Variants in IFRD1 observed in about 807,000 individuals in gnomAD.
IFRD1 encodes the protein interferon related developmental regulator 1, also known as interferon-related developmental regulator 1.
A neutral mutation model predicts 52.9 loss-of-function variants in IFRD1; 35 were observed. The observed-to-expected ratio is 0.66, with a 90% CI of 0.51 to 0.88. The LOEUF (loss-of-function observed/expected upper bound fraction) is 0.88. Ranked by LOEUF, IFRD1 falls within the 40% of genes least tolerant of loss-of-function variation. The probability of loss-of-function intolerance (pLI) is 0.00; values close to 1 mark genes in which losing one functional copy is unlikely to be tolerated. For missense variants in IFRD1, 517 were observed against 550.8 expected (o/e 0.94, Z 0.61); for synonymous variants, 184 against 188.4 (o/e 0.98, Z 0.19).
At position 112,456,021 on chromosome 7, in the gene IFRD1, G is replaced by A; in HGVS notation, c.219G>A (p.Glu73=). The A allele has an allele frequency of 1.2e-6, 2 of 1,606,142 alleles. No homozygotes were observed. Among genetic ancestry groups the A allele is most frequent in the Non-Finnish European group, 1.7e-6 (2 of 1,172,938 alleles). ...FAEDGPEVLD[E]EGTQEDLEYK... is the part of the protein sequence containing the mutation. ...TCTTAGGACCAGAAGTCCTTGATGA[G>A]GAAGGAACTCAAGAAGACCTAGAGT... is the stretch of plus-strand genomic sequence containing the variant. The change falls in exon 3 of 12, where the codon GAG becomes GAA. Residue 73 remains glutamate, a synonymous_variant. Coordinates refer to ENST00000403825, the MANE Select transcript of IFRD1 (RefSeq NM_001550.4).
At chr7:112,445,701 C>A (rs2117269446), upstream of IFRD1, among the ~76,000 whole-genome samples, 1 of 152,296 alleles carries the variant, frequency 6.6e-6, no homozygotes, top group South Asian at 2.1e-4. Context: ...AGGTTGTTCC[C>A]TGCTGAAGAG....
chr7:112,459,822 T>C (rs1044771814), intron 5 of IFRD1, among the ~76,000 whole-genome samples: 1 of 152,180 alleles, frequency 6.6e-6, no homozygotes, highest in African/African-American at 2.4e-5. Context: ...CACATCACTT[T>C]TGCATCTAGT....
At chr7:112,459,827 T>G (rs1196235927) in intron 5 of IFRD1, among the ~76,000 whole-genome samples, 1 of 152,222 alleles carries the variant, frequency 6.6e-6, no homozygotes, top group Non-Finnish European at 1.5e-5. Context: ...CACTTTTGCA[T>G]CTAGTTCCTT....
intron 1 of IFRD1, among the ~76,000 whole-genome samples, chr7:112,436,031 C>A (rs765339760): frequency 6.6e-6 from 1 of 151,656 alleles, no homozygotes; most frequent in African/African-American, 2.4e-5. Flanking sequence ...TACAGGCGTG[C>A]GCCACCATGT....
At chr7:112,466,187 T>C (rs1359175805) in intron 8 of IFRD1, among the ~76,000 whole-genome samples, 1 of 152,164 alleles carries the variant, frequency 6.6e-6, no homozygotes, top group Non-Finnish European at 1.5e-5. Flanking sequence ...GTCCTATTAA[T>C]AGGCTTTTGG....
intron 1 of IFRD1, among the ~76,000 whole-genome samples, chr7:112,454,688 A>G (rs6956741): frequency 0.071 from 10,784 of 152,114 alleles, 548 homozygotes; most frequent in South Asian, 0.21. Flanking sequence ...TGTGTAACCT[A>G]AAAACCCATT....
chr7:112,436,001 GCCTCC>G (rs999477850), intron 1 of IFRD1, among the ~76,000 whole-genome samples: 1 of 151,374 alleles, frequency 6.6e-6, no homozygotes, highest in African/African-American at 2.4e-5. Context: ...TCTTGCCTCA[GCCTCC>G]CAAGTAGCTG....
chr7:112,470,025 C>T (rs1795707718), intron 9 of IFRD1, among the ~76,000 whole-genome samples: 1 of 151,526 alleles, frequency 6.6e-6, no homozygotes, highest in African/African-American at 2.4e-5. Context: ...GAAGGTTGCT[C>T]AACTGCCACA....
chr7:112,464,105 TC>T (rs1795548361), intron 8 of IFRD1, among the ~76,000 whole-genome samples: 1 of 151,152 alleles, frequency 6.6e-6, no homozygotes, highest in Non-Finnish European at 1.5e-5. Context: ...TATAGGGTGT[TC>T]AAAAATTAAA....
At chr7:112,450,436 A>T (rs559069385), upstream of IFRD1, 1 of 539,534 alleles carries the variant, frequency 1.9e-6, no homozygotes, top group South Asian at 2.0e-5. Context: ...TTGCTACTTA[A>T]GGCGTCGTGG....
intron 4 of IFRD1, chr7:112,457,319 T>C (rs1795321524): frequency 1.8e-6 from 1 of 545,526 alleles, no homozygotes; most frequent in South Asian, 2.5e-5. Context: ...TCTCTTGTTA[T>C]ACCAGAAAAG....
At chr7:112,428,890 G>A (rs1026959117) in intron 1 of IFRD1, among the ~76,000 whole-genome samples, 4 of 152,002 alleles carry the variant, frequency 2.6e-5, no homozygotes, top group Non-Finnish European at 4.4e-5. Context: ...AAAACAAAAC[G>A]TTGACATCAT....
At chr7:112,464,471 C>T (rs903328622) in intron 8 of IFRD1, among the ~76,000 whole-genome samples, 1 of 152,116 alleles carries the variant, frequency 6.6e-6, no homozygotes, top group Admixed American at 6.6e-5. Context: ...ATCTCTTTCT[C>T]TCTTACTAGT....
At position 112,450,680 on chromosome 7, in the gene IFRD1, C is replaced by T. The variant is rs1393849205; in HGVS notation, c.-9C>T. On this transcript the variant is annotated 5_prime_UTR_variant, in exon 1 of 12. Coordinates refer to ENST00000403825, the MANE Select transcript of IFRD1 (RefSeq NM_001550.4). ...AGCTCCGACTCTGGGCGGCACCGGG[C>T]GTCCCACGATGCCGAAGAACAAGAA... The T allele has an allele frequency of 1.2e-6, 2 of 1,607,674 alleles. No homozygotes were observed. Among genetic ancestry groups the T allele is most frequent in the Middle Eastern group, 1.7e-4 (1 of 6,040 alleles).
chr7:112,455,614 A>T, intron 1 of IFRD1, 149 bp from the exon 2 acceptor site: 1 of 670,798 alleles, frequency 1.5e-6, no homozygotes, highest in South Asian at 1.7e-5. Flanking sequence ...ATATTTAAGT[A>T]TGTTCACTTG....
chr7:112,474,763 C>G (rs967017934), intron 11 of IFRD1, among the ~76,000 whole-genome samples: 1 of 152,080 alleles, frequency 6.6e-6, no homozygotes, highest in African/African-American at 2.4e-5. Context: ...ATTAAAATGG[C>G]ACTTCATCAC....
At position 112,450,561 on chromosome 7, in the gene IFRD1, C is replaced by T; in HGVS notation, c.-128C>T. The T allele has an allele frequency of 4.1e-6, 3 of 727,250 alleles. No homozygotes were observed. The highest frequency in any genetic ancestry group is 2.0e-5 in the Admixed American group (1 of 48,842). The allele number at this position is 727,250 out of a possible 1,614,324, so 45.0% of individuals were successfully genotyped here. On this transcript the variant is annotated 5_prime_UTR_variant, in exon 1 of 12. Coordinates refer to ENST00000403825, the MANE Select transcript of IFRD1 (RefSeq NM_001550.4). ...CCGCCCACTCTTACCCCCGCCGCTT[C>T]TCGACTCTGTTGTTAGCCGAAGACT...
rs182369713 is a variant in IFRD1, at chr7:112,445,288, G to A, written c.-181-5220G>A. Among the ~76,000 whole-genome samples, 211 of 151,960 alleles carry A rather than the reference G, an allele frequency of 1.4e-3. 1 individual carries two copies. Among genetic ancestry groups the A allele is most frequent in the Non-Finnish European group, 2.5e-3 (168 of 67,972 alleles). ...TCACCGTGTTAGCCAGGATGGTCTC[G>A]ATCTCCTGACCTTGTGATCCGCCCA... On this transcript the variant is annotated intron_variant, in intron 1 of 12. Transcript: ENST00000005558.
chr7:112,451,053 G>A (rs1795149826), intron 1 of IFRD1: 16 of 477,592 alleles, frequency 3.4e-5, no homozygotes, highest in South Asian at 2.0e-4. Flanking sequence ...TCGGGACAGG[G>A]GCTGACCGGG....
Sources: allele counts gnomAD v4.1 joint callset (sites outside exome capture counted in the v4.1 genomes callset), GRCh38; gene constraint gnomAD v4.1.1; transcripts MANE v1.5; gene names NCBI Gene and HGNC (gene_info 2026-07-23, HGNC 2026-07-21).